ABCG8: variants seen among roughly 807,000 people sequenced by gnomAD.
ABCG8 encodes the protein ATP-binding cassette sub-family G member 8.
In ABCG8, 81 loss-of-function variants were observed where a neutral mutation model predicts 71.3. That is an observed-to-expected ratio of 1.14 (90% CI 0.95 to 1.37). The LOEUF (loss-of-function observed/expected upper bound fraction) is 1.37. ABCG8 is among the 40% of genes most tolerant of loss of function. The pLI, the probability that ABCG8 is intolerant of heterozygous loss-of-function variation, is 0.00. For synonymous variants in ABCG8, 451 were observed against 354.7 expected (o/e 1.27, Z -3.05); for missense variants, 1,119 against 866.2 (o/e 1.29, Z -3.66).
chr2:43,854,261 G>C (rs974759218), intron 6 of ABCG8, among the ~76,000 whole-genome samples: 3 of 152,174 alleles, frequency 2.0e-5, no homozygotes, highest in African/African-American at 7.2e-5. Flanking sequence ...CTACAGTGCT[G>C]CACACTAGGG....
chr2:43,848,208 A>T (rs1250121732), intron 3 of ABCG8: 1 of 152,246 alleles, frequency 6.6e-6, no homozygotes, highest in Non-Finnish European at 1.5e-5. Context: ...GTGATTAATG[A>T]ATCTGGCAGC....
rs556859585 is a variant in ABCG8 at position 43,882,468 on chromosome 2, G to A, written c.*4555G>A. The A allele has an allele frequency of 7.9e-5, 12 of 152,336 alleles. No individual in the cohort carries two copies. The highest frequency in any genetic ancestry group is 2.9e-4 in the African/African-American group (12 of 41,570). 9.4% of individuals were successfully genotyped at this position (152,336 alleles called of 1,614,324 possible). A position where few individuals can be genotyped will look rare whatever the true frequency, so the allele number is the denominator to read the frequency against. ...AAGCGTGCAAGGAACTGGAATGCGGGGAAAGTGATGAAATATTTTGTTGGT... is the reference window on the plus strand; with the variant it reads ...AAGCGTGCAAGGAACTGGAATGCGGAGAAAGTGATGAAATATTTTGTTGGT... On this transcript the variant is annotated 3_prime_UTR_variant, in exon 13 of 13. Coordinates refer to ENST00000272286, the MANE Select transcript of ABCG8 (RefSeq NM_022437.3).
chr2:43,839,400 T>G (rs1668481439), intron 1 of ABCG8, among the ~76,000 whole-genome samples: 1 of 133,072 alleles, frequency 7.5e-6, no homozygotes, highest in African/African-American at 2.7e-5. Flanking sequence ...TTTCTTTTCT[T>G]CTCTTTTTTT....
chr2:43,852,286 G>C, intron 4 of ABCG8, 68 bp from the exon 5 acceptor site: 1 of 1,608,120 alleles, frequency 6.2e-7, no homozygotes, highest in South Asian at 1.1e-5. Context: ...CTTTATCCTT[G>C]GGGTCACAAT....
intron 1 of ABCG8, among the ~76,000 whole-genome samples, chr2:43,842,173 C>A (rs886421677): frequency 6.6e-6 from 1 of 151,992 alleles, no homozygotes; most frequent in African/African-American, 2.4e-5. Flanking sequence ...CCATGCCCGG[C>A]AATTTTTTTT....
chr2:43,862,155 G>C (rs1669344613), intron 6 of ABCG8, among the ~76,000 whole-genome samples: 1 of 151,172 alleles, frequency 6.6e-6, no homozygotes, highest in South Asian at 2.1e-4. Flanking sequence ...TATCTGGCTA[G>C]ATTTCTCACC....
At chr2:43,843,391 T>C (rs768000614) in intron 1 of ABCG8, among the ~76,000 whole-genome samples, 70 of 152,208 alleles carry the variant, frequency 4.6e-4, no homozygotes, top group Non-Finnish European at 8.5e-4. Context: ...AAAAATTGAA[T>C]GCAGTAAAAA....
chr2:43,863,247 C>T (rs1448829909), intron 6 of ABCG8, among the ~76,000 whole-genome samples: 1 of 151,296 alleles, frequency 6.6e-6, no homozygotes, highest in Non-Finnish European at 1.5e-5. Context: ...ATAGAATTCT[C>T]ACCATCGGGA....
At chr2:43,840,865 G>C (rs556501875) in intron 1 of ABCG8, among the ~76,000 whole-genome samples, 1 of 152,242 alleles carries the variant, frequency 6.6e-6, no homozygotes, top group South Asian at 2.1e-4. Flanking sequence ...GCCCTGCACA[G>C]ACATATACTT....
intron 6 of ABCG8, among the ~76,000 whole-genome samples, chr2:43,866,253 C>T (rs1669529410): frequency 6.6e-6 from 1 of 151,202 alleles, no homozygotes; most frequent in East Asian, 1.9e-4. Context: ...TAGAAGAAAA[C>T]CTAGGCATTA....
intron 6 of ABCG8, among the ~76,000 whole-genome samples, chr2:43,870,398 G>T (rs72798831): frequency 0.054 from 8,123 of 150,594 alleles, 247 homozygotes; most frequent in Middle Eastern, 0.12. Flanking sequence ...GAATTCTCAG[G>T]CTGTGGATAT....
In ABCG8 at chr2:43,877,817, C is replaced by T. The variant is rs1262550797; in HGVS notation, c.1926C>T (p.Ala642=). Residue 642 remains alanine (A), a synonymous_variant, in exon 13 of 13, where the codon GCC becomes GCT. Transcript: ENST00000272286. ...AGCTGGACTCGTACCCTCTCTACGC[C>T]ATCTACCTCATCGTCATTGGCCTCA... ...VMELDSYPLY[A]IYLIVIGLSG... 25 of 1,614,070 alleles carry T rather than the reference C, an allele frequency of 1.5e-5. No individual in the cohort carries two copies. The highest frequency in any genetic ancestry group is 2.0e-5 in the Non-Finnish European group (24 of 1,180,046).
At chr2:43,862,474 A>C (rs927336542) in intron 6 of ABCG8, among the ~76,000 whole-genome samples, 10 of 151,260 alleles carry the variant, frequency 6.6e-5, no homozygotes, top group African/African-American at 2.4e-4. Context: ...CTCTCTGGAT[A>C]GAATTCTCGC....
At chr2:43,851,999 A>T (rs1312745302) in intron 4 of ABCG8, among the ~76,000 whole-genome samples, 177 bp downstream of exon 4, 3 of 152,130 alleles carry the variant, frequency 2.0e-5, no homozygotes, top group Non-Finnish European at 4.4e-5. Flanking sequence ...CAAACCCCAC[A>T]GCCCGCCAGA....
chr2:43,845,929 GC>G lies in ABCG8; in HGVS notation c.166-225del, dbSNP rs1167761945. ...GAGCCACCATGCCTGGCCTGTACAT[GC>G]TTTTCATTCTTCTTATCTTCAGACC... On this transcript the variant is annotated intron_variant, in intron 2 of 12. Transcript: ENST00000272286. Among the ~76,000 whole-genome samples the G allele has an allele frequency of 5.3e-5, 8 of 152,118 alleles. No homozygotes were observed. In the South Asian group the frequency reaches 8.3e-4, roughly 16 times the overall value.
chr2:43,860,271 G>C (rs1056872371), intron 6 of ABCG8, among the ~76,000 whole-genome samples: 2 of 150,812 alleles, frequency 1.3e-5, no homozygotes, highest in African/African-American at 4.9e-5. Context: ...TCACTATCTG[G>C]ATAGAATTCT....
chr2:43,873,732 G>T, intron 8 of ABCG8, 55 bp from the exon 9 acceptor site: 31 of 1,575,880 alleles, frequency 2.0e-5, no homozygotes, highest in Non-Finnish European at 2.7e-5. Context: ...CATTCCCAGG[G>T]TCACGGGGCT....
At position 43,875,294 on chromosome 2, in the gene ABCG8, C is replaced by T. The variant is rs1025595416; in HGVS notation, c.1637C>T (p.Ala546Val). ...WLVVFCCRIMALAAAALLPTF... is the reference protein window; with the variant it reads ...WLVVFCCRIMVLAAAALLPTF... ...GTGGTCTTCTGTTGCAGGATTATGG[C>T]CCTGGCCGCCGCGGCCCTGCTCCCC... The change falls in exon 11 of 13, where the codon GCC (alanine) becomes GTC (valine). Residue 546 changes from alanine to valine, a missense_variant. Physicochemically the swap from Ala to Val is moderately conservative, Grantham distance 64. Coordinates refer to ENST00000272286, the MANE Select transcript of ABCG8 (RefSeq NM_022437.3). 2 of 1,614,162 alleles carry T rather than the reference C, an allele frequency of 1.2e-6. No homozygotes were observed. Among genetic ancestry groups the T allele is most frequent in the African/African-American group, 1.3e-5 (1 of 75,064 alleles).
Position 43,852,800 on chromosome 2 carries a change from A to G in ABCG8, c.896A>G (p.His299Arg). ...GTPIYLGAAQHMVQYFTAIGY... is the reference protein window; with the variant it reads ...GTPIYLGAAQRMVQYFTAIGY... ...CCCATCTACTTAGGGGCGGCCCAGCACATGGTCCAGTATTTCACAGCCATC... is the reference window on the plus strand; with the variant it reads ...CCCATCTACTTAGGGGCGGCCCAGCGCATGGTCCAGTATTTCACAGCCATC... Residue 299 changes from histidine (H) to arginine (R), a missense_variant, in exon 6 of 13, where the codon CAC (histidine) becomes CGC (arginine). Transcript: ENST00000272286. 1 of 1,614,130 alleles carries G rather than the reference A, an allele frequency of 6.2e-7. No individual in the cohort carries two copies. The highest frequency in any genetic ancestry group is 1.1e-5 in the South Asian group (1 of 91,074).
Sources: gnomAD v4.1 joint callset for allele counts (sites outside exome capture counted in the v4.1 genomes callset) on GRCh38, gnomAD v4.1.1 for gene constraint, MANE v1.5 for transcripts, NCBI Gene and HGNC (gene_info 2026-07-23, HGNC 2026-07-21) for gene names.